ZNF248: variants seen among roughly 807,000 people sequenced by gnomAD.
ZNF248 encodes the protein KRAB protein domain.
Under a neutral mutation model 44.3 loss-of-function variants are expected in ZNF248, and 20 were observed. The observed-to-expected ratio is 0.45, with a 90% CI of 0.32 to 0.66. The LOEUF is 0.66. ZNF248 is among the 30% of genes least tolerant of loss of function. The pLI, the probability that ZNF248 is intolerant of heterozygous loss-of-function variation, is 0.04. For synonymous variants in ZNF248, 224 were observed against 229.0 expected, an observed-to-expected ratio of 0.98 and a Z score of 0.20; for missense variants, 654 against 677.0, an observed-to-expected ratio of 0.97 and a Z score of 0.38.
At chr10:37,787,114 C>T (rs1310284112) in intron 6 of ZNF248, among the ~76,000 whole-genome samples, 1 of 152,062 alleles carries the variant, frequency 6.6e-6, no homozygotes, top group South Asian at 2.1e-4. Flanking sequence ...CTTGTCTCTA[C>T]TAAAAATACA....
chr10:37,807,296 C>A (rs2050723413), intron 6 of ZNF248, among the ~76,000 whole-genome samples: 1 of 152,108 alleles, frequency 6.6e-6, no homozygotes, highest in Non-Finnish European at 1.5e-5. Flanking sequence ...CACACTATTA[C>A]ACTATTATGA....
At chr10:37,771,584 T>C (rs1330197627), downstream of ZNF248, among the ~76,000 whole-genome samples, 2 of 129,620 alleles carry the variant, frequency 1.5e-5, no homozygotes, top group African/African-American at 6.0e-5. Context: ...TGAGAACACA[T>C]GGACACAGGA....
At chr10:37,762,052 C>G in the ZNF248 span, among the ~76,000 whole-genome samples, 2 of 152,186 alleles carry the variant, frequency 1.3e-5, no homozygotes, top group African/African-American at 2.4e-5. Flanking sequence ...ATTGTATTGT[C>G]TCAAATCTCA....
downstream of ZNF248, among the ~76,000 whole-genome samples, chr10:37,826,634 G>A (rs985851777): frequency 1.3e-5 from 2 of 152,096 alleles, no homozygotes; most frequent in Non-Finnish European, 2.9e-5. Context: ...CAAATCATCT[G>A]AGAAAACTAA....
chr10:37,804,571 C>G (rs986398131), intron 6 of ZNF248, among the ~76,000 whole-genome samples: 2 of 152,154 alleles, frequency 1.3e-5, no homozygotes, highest in African/African-American at 4.8e-5. Flanking sequence ...ATAGTTAGGA[C>G]TACAGGCACC....
chr10:37,775,278 T>C (rs2046501087), downstream of ZNF248: 1 of 152,040 alleles, frequency 6.6e-6, no homozygotes, highest in South Asian at 2.1e-4. Flanking sequence ...TCCTTGATAA[T>C]TTTTATCATG....
chr10:37,764,639 A>T, the ZNF248 span, among the ~76,000 whole-genome samples: 71 of 151,828 alleles, frequency 4.7e-4, 1 homozygote, highest in East Asian at 0.013. Context: ...TCTCTTTTGT[A>T]CTCTTTCCCT....
intron 3 of ZNF248, among the ~76,000 whole-genome samples, chr10:37,846,399 C>T (rs757669169): frequency 6.6e-6 from 1 of 151,940 alleles, no homozygotes; most frequent in Non-Finnish European, 1.5e-5. Context: ...TTTGGGAGGC[C>T]AAAATGGGAG....
At chr10:37,764,520 C>T in the ZNF248 span, among the ~76,000 whole-genome samples, 1 of 152,138 alleles carries the variant, frequency 6.6e-6, no homozygotes, top group Non-Finnish European at 1.5e-5. Context: ...AGAACACTCC[C>T]TCCCCTTTTG....
At chr10:37,783,804 T>C (rs1201660894) in intron 6 of ZNF248, 1 of 152,206 alleles carries the variant, frequency 6.6e-6, no homozygotes, top group Non-Finnish European at 1.5e-5. Context: ...AGTCCCTTAA[T>C]ATTCCTCCCA....
downstream of ZNF248, among the ~76,000 whole-genome samples, chr10:37,827,153 G>A (rs1394172622): frequency 2.0e-5 from 3 of 152,180 alleles, no homozygotes; most frequent in Admixed American, 6.5e-5. Flanking sequence ...GCTTCTCCAA[G>A]TTCGTTTTCT....
the ZNF248 span, among the ~76,000 whole-genome samples, chr10:37,767,556 T>A: frequency 6.6e-6 from 1 of 152,090 alleles, no homozygotes; most frequent in African/African-American, 2.4e-5. Flanking sequence ...ATAAAATACT[T>A]TACAGACAAG....
At chr10:37,853,538 C>T (rs538768941) in intron 3 of ZNF248, among the ~76,000 whole-genome samples, 4 of 152,140 alleles carry the variant, frequency 2.6e-5, no homozygotes, top group East Asian at 1.9e-4. Flanking sequence ...CCACCATGCC[C>T]GGCTAATTTT....
chr10:37,842,948 G>T (rs913088831), intron 3 of ZNF248, among the ~76,000 whole-genome samples: 6 of 152,132 alleles, frequency 3.9e-5, no homozygotes, highest in African/African-American at 1.2e-4. Flanking sequence ...ATCAGGACAC[G>T]AAGGCTAAAG....
At chr10:37,776,779 C>T (rs1024428293) in intron 6 of ZNF248, among the ~76,000 whole-genome samples, 8 of 152,040 alleles carry the variant, frequency 5.3e-5, no homozygotes, top group Non-Finnish European at 7.4e-5. Flanking sequence ...GACACTCAGC[C>T]GCCCCCCACC....
downstream of ZNF248, among the ~76,000 whole-genome samples, chr10:37,826,276 T>C (rs2054375028): frequency 1.3e-5 from 2 of 152,198 alleles, no homozygotes; most frequent in Non-Finnish European, 2.9e-5. Flanking sequence ...TAACAGAAAG[T>C]ACTATTTTCC....
chr10:37,824,689 T>TTTTTTTC (rs2054078529), downstream of ZNF248, among the ~76,000 whole-genome samples: 1 of 107,610 alleles, frequency 9.3e-6, no homozygotes, highest in Admixed American at 9.7e-5. Flanking sequence ...TTTTTTTTTT[T>TTTTTTTC]TTTTTTTTTT....
At chr10:37,769,515 C>T in the ZNF248 span, among the ~76,000 whole-genome samples, 1 of 152,114 alleles carries the variant, frequency 6.6e-6, no homozygotes, top group African/African-American at 2.4e-5. Context: ...GAACCAATGA[C>T]AAAAACCACA....
intron 3 of ZNF248, among the ~76,000 whole-genome samples, chr10:37,852,891 C>T (rs2060555167): frequency 6.6e-6 from 1 of 151,860 alleles, no homozygotes; most frequent in African/African-American, 2.4e-5. Flanking sequence ...TAGATGGAGT[C>T]TCGCTCTGTT....
Sources: gnomAD v4.1 joint callset for allele counts (sites outside exome capture counted in the v4.1 genomes callset) on GRCh38, gnomAD v4.1.1 for gene constraint, MANE v1.5 for transcripts, NCBI Gene and HGNC (gene_info 2026-07-23, HGNC 2026-07-21) for gene names.